The following NRG3 variants were observed in gnomAD, a reference collection of about 807,000 sequenced individuals.
NRG3 encodes the protein neuregulin 3, also known as pro-neuregulin-3, membrane-bound isoform.
In NRG3, 31 loss-of-function variants were observed where a neutral mutation model predicts 66.9. The observed-to-expected ratio is 0.46, with a 90% CI of 0.35 to 0.63. NRG3 has a LOEUF of 0.63. Ranked by LOEUF, NRG3 falls within the 20% of genes least tolerant of loss-of-function variation. NRG3 has a pLI of 0.00. For synonymous variants in NRG3, 393 were observed against 359.4 expected, an observed-to-expected ratio of 1.09 and a Z score of -1.06; for missense variants, 910 against 878.9, an observed-to-expected ratio of 1.04 and a Z score of -0.45.
chr10:81,951,442 G>A (rs893786944), intron 1 of NRG3, among the ~76,000 whole-genome samples: 9 of 152,030 alleles, frequency 5.9e-5, no homozygotes, highest in Non-Finnish European at 8.8e-5. Flanking sequence ...TGCAATTAGC[G>A]TTTGACATCC....
chr10:82,450,650 A>T (rs2090977021), intron 2 of NRG3, among the ~76,000 whole-genome samples: 1 of 152,168 alleles, frequency 6.6e-6, no homozygotes, highest in Non-Finnish European at 1.5e-5. Flanking sequence ...AACTCTTCTC[A>T]TCCTCTGCTC....
intron 1 of NRG3, among the ~76,000 whole-genome samples, chr10:81,969,107 G>A (rs1402095177): frequency 2.0e-5 from 3 of 152,240 alleles, no homozygotes; most frequent in East Asian, 3.9e-4. Flanking sequence ...AACAGATTAT[G>A]AGGGGTAAGA....
intron 1 of NRG3, among the ~76,000 whole-genome samples, chr10:82,315,771 T>A (rs765401882): frequency 1.3e-5 from 2 of 150,302 alleles, no homozygotes; most frequent in African/African-American, 4.9e-5. Flanking sequence ...GTTCAAGCAA[T>A]TCTCCTGCCT....
intron 2 of NRG3, among the ~76,000 whole-genome samples, chr10:82,579,980 G>C (rs1590748500): frequency 6.6e-6 from 1 of 151,806 alleles, no homozygotes; most frequent in Admixed American, 6.6e-5. Context: ...AGATCCCCAA[G>C]GATACCAAAA....
chr10:82,861,316 A>T (rs774476965), intron 3 of NRG3, among the ~76,000 whole-genome samples: 31 of 152,228 alleles, frequency 2.0e-4, no homozygotes, highest in Non-Finnish European at 4.0e-4. Context: ...AAATACAAAA[A>T]TATAAATGCC....
At chr10:82,489,116 G>A (rs1842904340) in intron 2 of NRG3, among the ~76,000 whole-genome samples, 1 of 152,148 alleles carries the variant, frequency 6.6e-6, no homozygotes, top group Non-Finnish European at 1.5e-5. Context: ...ATGAGATAAT[G>A]GGGGTTTAGA....
rs1331627319 is a variant in NRG3 at position 82,345,671 on chromosome 10, C to T, written c.824-13068C>T. 4.0e-5 allele frequency among the ~76,000 whole-genome samples: 6 copies of T among 151,094 alleles called. 1 individual carries two copies. Among genetic ancestry groups the T allele is most frequent in the Admixed American group, 1.3e-4 (2 of 15,156 alleles). ...ACCTTGGGCAGTATGGCCATTTTCA[C>T]GATATTGATTCTTCCTACCCATGAG... is the stretch of plus-strand genomic sequence containing the variant. On this transcript the variant is annotated intron_variant, in intron 1 of 8. Transcript: ENST00000372141.
Position 81,875,966 on chromosome 10 carries a change from G to T in NRG3, c.626G>T (p.Arg209Leu), listed in dbSNP as rs1204621890. 1 of 1,613,864 alleles carries T rather than the reference G, an allele frequency of 6.2e-7. No homozygotes were observed. The highest frequency in any genetic ancestry group is 1.7e-5 in the Admixed American group (1 of 60,012). ...PFFSSSTLGS[R>L]PPVPGTPSTQ... ...TTCAGTAGCAGCACGCTGGGCTCCC[G>T]ACCCCCGGTGCCAGGAACTCCAAGT... Residue 209 changes from arginine to leucine, a missense_variant, in exon 1 of 9, where the codon CGA becomes CTA. Coordinates refer to ENST00000372141, the MANE Select transcript of NRG3 (RefSeq NM_001010848.4). This position sits in a 1 kb window ranked among gnomAD's most constrained non-coding sequence, Gnocchi z 5.3.
intron 4 of NRG3, among the ~76,000 whole-genome samples, chr10:82,895,072 C>T (rs1843519426): frequency 6.6e-6 from 1 of 152,174 alleles, no homozygotes; most frequent in South Asian, 2.1e-4. Context: ...AGGACATGAA[C>T]TCATTCTTTT....
intron 1 of NRG3, among the ~76,000 whole-genome samples, chr10:81,927,436 TTAAC>T (rs1352226447): frequency 6.6e-6 from 1 of 152,200 alleles, no homozygotes; most frequent in Non-Finnish European, 1.5e-5. Context: ...AAAGTGAATA[TTAAC>T]TATGTTGAGA....
chr10:82,804,741 T>C (rs1314819209), intron 3 of NRG3, among the ~76,000 whole-genome samples: 1 of 152,152 alleles, frequency 6.6e-6, no homozygotes, highest in Non-Finnish European at 1.5e-5. Context: ...ACCACTTTCT[T>C]GCCAACTAAC....
intron 1 of NRG3, among the ~76,000 whole-genome samples, chr10:82,144,876 G>C (rs983786341): frequency 6.6e-6 from 1 of 152,208 alleles, no homozygotes; most frequent in African/African-American, 2.4e-5. Context: ...AATGCTCTAA[G>C]ACAAAGCTGG....
chr10:82,067,922 A>G (rs375195911), intron 1 of NRG3, among the ~76,000 whole-genome samples: 3 of 152,338 alleles, frequency 2.0e-5, no homozygotes, highest in South Asian at 4.1e-4. Context: ...AATCAAGTTT[A>G]TAATTTTTAT....
intron 3 of NRG3, among the ~76,000 whole-genome samples, chr10:82,806,456 C>T (rs1439602444): frequency 2.0e-5 from 3 of 152,172 alleles, no homozygotes; most frequent in Admixed American, 1.3e-4. Context: ...TCACACATCA[C>T]GTATTAGTAG....
intron 2 of NRG3, among the ~76,000 whole-genome samples, chr10:82,651,975 TGTGG>T (rs1332828113): frequency 6.6e-6 from 1 of 152,176 alleles, no homozygotes; most frequent in Non-Finnish European, 1.5e-5. Context: ...CTTGACTCCT[TGTGG>T]GAGGAAGCAC....
At chr10:81,979,833 A>G (rs986428500) in intron 1 of NRG3, among the ~76,000 whole-genome samples, 17 of 152,242 alleles carry the variant, frequency 1.1e-4, no homozygotes, top group African/African-American at 3.9e-4. Flanking sequence ...AAATAAATTA[A>G]TAGACAGTTT....
At chr10:82,730,271 A>C (rs2057832944) in intron 2 of NRG3, among the ~76,000 whole-genome samples, 1 of 151,600 alleles carries the variant, frequency 6.6e-6, no homozygotes, top group African/African-American at 2.4e-5. Flanking sequence ...TTTTTAGTAG[A>C]GACAGGGTTT....
intron 2 of NRG3, among the ~76,000 whole-genome samples, chr10:82,732,740 G>A (rs2057973845): frequency 6.6e-6 from 1 of 152,162 alleles, no homozygotes; most frequent in African/African-American, 2.4e-5. Context: ...AATAAAGAAA[G>A]GAGGCACAAA....
rs139855369 is a variant in NRG3 at position 82,734,651 on chromosome 10, C to T, written c.954-3926C>T. Among the ~76,000 whole-genome samples the T allele has an allele frequency of 3.2e-3, 494 of 152,144 alleles. 2 individuals carry two copies. The highest frequency in any genetic ancestry group is 5.3e-3 in the Non-Finnish European group (358 of 68,012). The stretch of plus-strand genomic sequence containing the variant: ...CTCTACTCTGCTTTGCACATGGTCT[C>T]CTCAACTATGCCCTTCCCTACAGCC... On this transcript the variant is annotated intron_variant, in intron 2 of 8. Transcript: ENST00000372141.
Sources: gnomAD v4.1 joint callset for allele counts (sites outside exome capture counted in the v4.1 genomes callset) on GRCh38, gnomAD v4.1.1 for gene constraint, Gnocchi (gnomAD v3.1) non-coding constraint, MANE v1.5 for transcripts, NCBI Gene and HGNC (gene_info 2026-07-23, HGNC 2026-07-21) for gene names.